LRP1B: variants seen among roughly 807,000 people sequenced by gnomAD.
LRP1B encodes LDL receptor related protein 1B.
A neutral mutation model predicts 556.6 loss-of-function variants in LRP1B; 217 were observed. That is an observed-to-expected ratio of 0.39 (90% CI 0.35 to 0.44). The LOEUF (loss-of-function observed/expected upper bound fraction) is 0.44. LRP1B is among the 20% of genes least tolerant of loss of function. The pLI, the probability that LRP1B is intolerant of heterozygous loss-of-function variation, is 1.00. For missense variants in LRP1B, 5,053 were observed against 5,620.8 expected (o/e 0.90, Z 3.23); for synonymous variants, 2,047 against 1,865.8 (o/e 1.10, Z -2.50).
At position 141,295,290 on chromosome 2, in the gene LRP1B, A is replaced by G. The variant is rs573119098; in HGVS notation, c.344-40649T>C. ...TGATATATCTTTAAGATTTTGATCA[A>G]TTCTAAAAATGCTCAGTTTTGGGTT... On this transcript the variant is annotated intron_variant, in intron 3 of 90. Transcript: ENST00000389484. 2.3e-3 allele frequency among the ~76,000 whole-genome samples: 349 copies of G among 152,264 alleles called. 2 individuals carry two copies. Among genetic ancestry groups the G allele is most frequent in the Non-Finnish European group, 3.9e-3 (266 of 68,004 alleles).
In LRP1B at chr2:142,124,110, G is replaced by T. The variant is rs1380175890; in HGVS notation, c.82+6538C>A. On this transcript the variant is annotated intron_variant, in intron 1 of 90. Coordinates refer to ENST00000389484, the MANE Select transcript of LRP1B (RefSeq NM_018557.3). ...ACATAGGTAAACATGTGTAACAAGG[G>T]TTTGTTGATCATATTATCTTACCAC... is the stretch of plus-strand genomic sequence containing the variant. Among the ~76,000 whole-genome samples the T allele has an allele frequency of 4.0e-5, 6 of 151,882 alleles. No homozygotes were observed. In the East Asian group the frequency reaches 9.7e-4, roughly 25 times the overall value.
chr2:141,636,846 T>C (rs913912106), intron 2 of LRP1B, among the ~76,000 whole-genome samples: 1 of 152,066 alleles, frequency 6.6e-6, no homozygotes, highest in African/African-American at 2.4e-5. Context: ...CACAGAACAA[T>C]ACATATGGTT....
At chr2:141,524,698 T>C (rs941986920) in intron 2 of LRP1B, among the ~76,000 whole-genome samples, 1 of 152,030 alleles carries the variant, frequency 6.6e-6, no homozygotes, top group African/African-American at 2.4e-5. Flanking sequence ...ACCATTAAAT[T>C]ACTTTCTATG....
intron 19 of LRP1B, among the ~76,000 whole-genome samples, chr2:140,950,847 AATG>A (rs1695693758): frequency 6.6e-6 from 1 of 151,198 alleles, no homozygotes; most frequent in African/African-American, 2.4e-5. Flanking sequence ...TTGAAAAATG[AATG>A]ATAATTGAAT....
rs550220730 is a variant in LRP1B at position 141,263,867 on chromosome 2, G to T, written c.344-9226C>A. On this transcript the variant is annotated intron_variant, in intron 3 of 90. Transcript: ENST00000389484. ...CCAGATCACCCTATCAATCAGTACA[G>T]TAAGGGAAAAAAACCCTATCATTTC... 2.0e-5 allele frequency among the ~76,000 whole-genome samples: 3 copies of T among 152,134 alleles called. No homozygotes were observed. In the South Asian group the frequency reaches 6.2e-4, roughly 32 times the overall value.
At chr2:141,735,600 T>C (rs1354314055) in intron 2 of LRP1B, among the ~76,000 whole-genome samples, 1 of 152,050 alleles carries the variant, frequency 6.6e-6, no homozygotes, top group African/African-American at 2.4e-5. Context: ...TACTGCCCAG[T>C]GGAAGATAGA....
At chr2:141,568,660 A>G (rs1413011565) in intron 2 of LRP1B, among the ~76,000 whole-genome samples, 1 of 150,496 alleles carries the variant, frequency 6.6e-6, no homozygotes, top group Non-Finnish European at 1.5e-5. Flanking sequence ...CAAACTAACT[A>G]TATACTTTTA....
intron 84 of LRP1B, among the ~76,000 whole-genome samples, chr2:140,289,288 C>A (rs543443056): frequency 6.6e-6 from 1 of 151,914 alleles, no homozygotes; most frequent in African/African-American, 2.4e-5. Flanking sequence ...TTTGACTATA[C>A]AATTCGAAGT....
intron 2 of LRP1B, 110 bp downstream of exon 2, chr2:141,810,169 G>GAA (rs1696311560): frequency 1.4e-6 from 1 of 725,356 alleles, no homozygotes; most frequent in African/African-American, 2.3e-5. Flanking sequence ...AAGAAAGAAG[G>GAA]AAAGAAAGAA....
chr2:141,395,827 CAG>C (rs955446384), intron 3 of LRP1B, among the ~76,000 whole-genome samples: 31 of 152,184 alleles, frequency 2.0e-4, no homozygotes, highest in South Asian at 4.1e-4. Context: ...ATGAAGGAAA[CAG>C]GGGAGAGATA....
At chr2:140,519,501 A>G (rs1690063993) in intron 49 of LRP1B, among the ~76,000 whole-genome samples, 1 of 152,216 alleles carries the variant, frequency 6.6e-6, no homozygotes, top group Admixed American at 6.5e-5. Context: ...CTAAAACCAT[A>G]AAAACCCTAG....
chr2:140,684,888 C>G (rs1685994751), intron 41 of LRP1B, among the ~76,000 whole-genome samples: 1 of 152,176 alleles, frequency 6.6e-6, no homozygotes, highest in Admixed American at 6.5e-5. Context: ...ATGCTTCTAA[C>G]AATAGGAACA....
At chr2:140,510,195 A>G in intron 51 of LRP1B, 139 bp from the exon 52 acceptor site, 1 of 821,708 alleles carries the variant, frequency 1.2e-6, no homozygotes, top group Non-Finnish European at 1.9e-6. Context: ...GGGAATCATT[A>G]AACATCATTC....
At chr2:141,641,655 C>A (rs1002698810) in intron 2 of LRP1B, among the ~76,000 whole-genome samples, 17 of 152,116 alleles carry the variant, frequency 1.1e-4, no homozygotes, top group Non-Finnish European at 2.4e-4. Flanking sequence ...TGAAAGCTTA[C>A]ATTCCATAGA....
intron 1 of LRP1B, among the ~76,000 whole-genome samples, chr2:142,053,048 C>T (rs1032574102): frequency 1.3e-5 from 2 of 151,982 alleles, no homozygotes; most frequent in African/African-American, 4.8e-5. Flanking sequence ...TAAAAAGTGC[C>T]CTAGTCTGCA....
chr2:140,383,039 T>C (rs1221591005), intron 67 of LRP1B, among the ~76,000 whole-genome samples: 1 of 152,194 alleles, frequency 6.6e-6, no homozygotes, highest in African/African-American at 2.4e-5. Context: ...GTACCATCTA[T>C]GTTTGTGTAA....
At chr2:141,397,719 T>A (rs1356676424) in intron 3 of LRP1B, among the ~76,000 whole-genome samples, 1 of 151,730 alleles carries the variant, frequency 6.6e-6, no homozygotes, top group Admixed American at 6.6e-5. Context: ...AAAAGTACAG[T>A]TCAAACATTT....
intron 2 of LRP1B, among the ~76,000 whole-genome samples, chr2:141,521,148 T>C (rs771217758): frequency 2.0e-5 from 3 of 152,166 alleles, no homozygotes; most frequent in Non-Finnish European, 4.4e-5. Flanking sequence ...TTGGGGATAT[T>C]ATCAGAATTT....
chr2:140,993,903 G>A (rs2105358385), intron 16 of LRP1B, 92 bp downstream of exon 16: 2 of 1,275,214 alleles, frequency 1.6e-6, no homozygotes, highest in Admixed American at 2.0e-5. Context: ...TGCATCAAAG[G>A]TATTTTCAGA....
Sources: allele counts gnomAD v4.1 joint callset (sites outside exome capture counted in the v4.1 genomes callset), GRCh38; gene constraint gnomAD v4.1.1; transcripts MANE v1.5; gene names NCBI Gene and HGNC (gene_info 2026-07-23, HGNC 2026-07-21).